The following COX4I2 variants were observed in gnomAD, a reference collection of about 807,000 sequenced individuals.
The protein encoded by COX4I2 is cytochrome c oxidase subunit 4I2.
A neutral mutation model predicts 20.8 loss-of-function variants in COX4I2; 15 were observed. The ratio of observed to expected loss-of-function variants is 0.72; its 90% CI spans 0.48 to 1.11. COX4I2 has a LOEUF of 1.11. COX4I2 is among the 50% of genes most tolerant of loss of function. The pLI, the probability that COX4I2 is intolerant of heterozygous loss-of-function variation, is 0.00. For synonymous variants in COX4I2, 80 were observed against 78.1 expected (o/e 1.02, Z -0.13); for missense variants, 224 against 223.0 (o/e 1.00, Z -0.03).
chr20:31,638,829 C>T (rs1282437226), intron 1 of COX4I2, among the ~76,000 whole-genome samples, 189 bp from the exon 2 acceptor site: 1 of 152,138 alleles, frequency 6.6e-6, no homozygotes, highest in Non-Finnish European at 1.5e-5. Context: ...AGGTCTAGGA[C>T]CCCCATTGGC....
Position 31,643,539 on chromosome 20 carries a change from A to C in COX4I2, c.379+4A>C. 6.2e-7 allele frequency: 1 copy of C among 1,614,096 alleles called. No individual in the cohort carries two copies. Among genetic ancestry groups the C allele is most frequent in the African/African-American group, 1.3e-5 (1 of 75,022 alleles). ...ATTTGGTGGCAGCGGGTCTACGGTG[A>C]GTGGCAACACCTCATCTGGCTGCAG... is the stretch of plus-strand genomic sequence containing the variant. On this transcript the variant is annotated splice_donor_region_variant and intron_variant, in intron 4 of 4. Transcript: ENST00000376075.
chr20:31,640,246 C>A (rs535700441), intron 3 of COX4I2, 149 bp downstream of exon 3: 73 of 810,958 alleles, frequency 9.0e-5, no homozygotes, highest in Non-Finnish European at 1.3e-4. Flanking sequence ...TGCCTTTGTT[C>A]GTTTCTTTAT....
At chr20:31,640,262 C>G (rs1487600724) in intron 3 of COX4I2, among the ~76,000 whole-genome samples, 165 bp downstream of exon 3, 1 of 152,148 alleles carries the variant, frequency 6.6e-6, no homozygotes, top group African/African-American at 2.4e-5. Context: ...TTTATTCACT[C>G]ACCTGTTTGT....
intron 3 of COX4I2, among the ~76,000 whole-genome samples, chr20:31,640,953 CTACA>C: frequency 9.0e-6 from 1 of 111,232 alleles, no homozygotes; most frequent in Non-Finnish European, 1.8e-5. Flanking sequence ...CTCTCTCTTT[CTACA>C]CACACACACA....
chr20:31,644,957 C>A lies in COX4I2; in HGVS notation c.*53C>A. ...CTCCGCCCTGGCTGGGAGCCTCTGG[C>A]GGCCCCTCCCCTCCCCTGCCCTTAA... On this transcript the variant is annotated 3_prime_UTR_variant, in exon 5 of 5. Transcript: ENST00000376075. 1 of 1,595,946 alleles carries A rather than the reference C, an allele frequency of 6.3e-7. No individual in the cohort carries two copies. Among genetic ancestry groups the A allele is most frequent in the Admixed American group, 1.8e-5 (1 of 56,954 alleles).
At chr20:31,641,585 G>T (rs757043420) in intron 3 of COX4I2, among the ~76,000 whole-genome samples, 3 of 152,196 alleles carry the variant, frequency 2.0e-5, no homozygotes, top group Non-Finnish European at 2.9e-5. Flanking sequence ...GGCAAGATTT[G>T]AAACCACATA....
In COX4I2 at chr20:31,639,108, T is replaced by C; in HGVS notation, c.82+9T>C. 1 of 1,604,512 alleles carries C rather than the reference T, an allele frequency of 6.2e-7. No individual in the cohort carries two copies. On this transcript the variant is annotated intron_variant, in intron 2 of 4. Coordinates refer to ENST00000376075, the MANE Select transcript of COX4I2 (RefSeq NM_032609.3). ...CAGCTCAGAAGGCACCAGTGAGACCTGGACTCCTTCCTCCCTGCCTAACTC... is the reference window on the plus strand; with the variant it reads ...CAGCTCAGAAGGCACCAGTGAGACCCGGACTCCTTCCTCCCTGCCTAACTC...
chr20:31,642,598 C>CT (rs2060474807), intron 3 of COX4I2, among the ~76,000 whole-genome samples: 3 of 151,840 alleles, frequency 2.0e-5, no homozygotes, highest in Non-Finnish European at 4.4e-5. Context: ...CGCCACCACT[C>CT]CTGGCTAATT....
At chr20:31,643,802 T>A (rs1375065006) in intron 4 of COX4I2, among the ~76,000 whole-genome samples, 1 of 152,234 alleles carries the variant, frequency 6.6e-6, no homozygotes, top group Non-Finnish European at 1.5e-5. Context: ...GAGAGGGCTG[T>A]AGGCCAGTGT....
intron 3 of COX4I2, among the ~76,000 whole-genome samples, chr20:31,641,769 C>T (rs1407195471): frequency 6.6e-6 from 1 of 152,048 alleles, no homozygotes; most frequent in Non-Finnish European, 1.5e-5. Flanking sequence ...GGCCCCATCT[C>T]GGCTCACTGA....
intron 2 of COX4I2, among the ~76,000 whole-genome samples, chr20:31,639,526 C>A (rs1253442191): frequency 6.6e-6 from 1 of 151,048 alleles, no homozygotes; most frequent in East Asian, 1.9e-4. Flanking sequence ...TTTATTGAGC[C>A]CTTACTAGTA....
At chr20:31,639,304 A>G (rs1031857377) in intron 2 of COX4I2, 70 of 984,930 alleles carry the variant, frequency 7.1e-5, no homozygotes, top group Non-Finnish European at 8.3e-5. Flanking sequence ...GGTCATCTCC[A>G]TTCCAAGCTT....
chr20:31,644,631 A>G, intron 4 of COX4I2, 137 bp from the exon 5 acceptor site: 2 of 961,478 alleles, frequency 2.1e-6, no homozygotes, highest in South Asian at 2.7e-5. Context: ...TGAGCTCCTC[A>G]GTGCAAGATA....
chr20:31,638,487 A>G (rs1315226767), intron 1 of COX4I2, among the ~76,000 whole-genome samples: 26 of 130,868 alleles, frequency 2.0e-4, no homozygotes, highest in Non-Finnish European at 3.6e-4. Flanking sequence ...CCCCACCCCA[A>G]CCAGATCCAG....
At chr20:31,639,245 C>T (rs2060452929) in intron 2 of COX4I2, 146 bp downstream of exon 2, 1 of 1,523,068 alleles carries the variant, frequency 6.6e-7, no homozygotes. Flanking sequence ...CTCCTTGGTC[C>T]AAGGTCAAGT....
chr20:31,641,090 G>A (rs1404708531), intron 3 of COX4I2, among the ~76,000 whole-genome samples: 1 of 151,582 alleles, frequency 6.6e-6, no homozygotes, highest in Admixed American at 6.6e-5. Context: ...TAAATGATGA[G>A]TTAATGGGTG....
chr20:31,639,832 A>G lies in COX4I2; in HGVS notation c.83-101A>G. On this transcript the variant is annotated intron_variant, in intron 2 of 4. Coordinates refer to ENST00000376075, the MANE Select transcript of COX4I2 (RefSeq NM_032609.3). ...CAGCCTCCCAAAATGCTAGGATTAC[A>G]GGCATGAGCCACCAAGCCCGGCCAC... The G allele has an allele frequency of 4.5e-6, 6 of 1,325,492 alleles. No individual in the cohort carries two copies. In the South Asian group the frequency reaches 7.3e-5, roughly 16 times the overall value. The allele number at this position is 1,325,492 out of a possible 1,614,324, so 82.1% of individuals were successfully genotyped here.
chr20:31,640,034 C>G lies in COX4I2; in HGVS notation c.184C>G (p.Gln62Glu), dbSNP rs370024965. 6.2e-7 allele frequency: 1 copy of G among 1,613,934 alleles called. No homozygotes were observed. The highest frequency in any genetic ancestry group is 2.2e-5 in the East Asian group (1 of 44,874). The change falls in exon 3 of 5, where the codon CAG becomes GAG. Residue 62 changes from glutamine to glutamate, a missense_variant. Physicochemically the swap from Gln to Glu is conservative, Grantham distance 29. Coordinates refer to ENST00000376075, the MANE Select transcript of COX4I2 (RefSeq NM_032609.3). ...PFCTELNAEE[Q>E]ALKEKEKGSW... ...CTGCACAGAACTCAACGCTGAGGAG[C>G]AGGCCCTGAAGGAGAAGGAGAAGGG...
chr20:31,639,275 C>A (rs760365350), intron 2 of COX4I2, 176 bp downstream of exon 2: 3 of 985,306 alleles, frequency 3.0e-6, no homozygotes, highest in Non-Finnish European at 3.6e-6. Context: ...AAATGGAGTG[C>A]GCGGGGTGAG....
Sources: gnomAD v4.1 joint callset for allele counts (sites outside exome capture counted in the v4.1 genomes callset) on GRCh38, gnomAD v4.1.1 for gene constraint, MANE v1.5 for transcripts, NCBI Gene and HGNC (gene_info 2026-07-23, HGNC 2026-07-21) for gene names.